IL5RA: variants seen among roughly 807,000 people sequenced by gnomAD.
IL5RA encodes the protein interleukin-5 receptor subunit alpha.
IL5RA carries 49 observed loss-of-function variants against 50.0 expected under a neutral mutation model. The ratio of observed to expected loss-of-function variants is 0.98; its 90% CI spans 0.78 to 1.24. The LOEUF (loss-of-function observed/expected upper bound fraction) is 1.24, where lower values mean the gene tolerates loss of function less well. Ranked by LOEUF, IL5RA falls within the 50% of genes most tolerant of loss-of-function variation. The probability of loss-of-function intolerance (pLI) is 0.00; values close to 1 mark genes in which losing one functional copy is unlikely to be tolerated. For missense variants in IL5RA, 600 were observed against 500.4 expected (o/e 1.20, Z -1.90); for synonymous variants, 202 against 174.0 (o/e 1.16, Z -1.26).
intron 9 of IL5RA, among the ~76,000 whole-genome samples, chr3:3,083,267 G>C (rs994200735): frequency 1.3e-5 from 2 of 152,182 alleles, no homozygotes; most frequent in African/African-American, 4.8e-5. Flanking sequence ...ACCTGGTTTA[G>C]AGAAATAAAA....
rs1181403178 is a variant in IL5RA, at chr3:3,067,767, A to T, written c.*2458T>A. 1 of 152,310 alleles carries T rather than the reference A, an allele frequency of 6.6e-6. No individual in the cohort carries two copies. Among genetic ancestry groups the T allele is most frequent in the East Asian group, 1.9e-4 (1 of 5,184 alleles). 9.4% of individuals were successfully genotyped at this position (152,310 alleles called of 1,614,324 possible). A position where few individuals can be genotyped will look rare whatever the true frequency, so the allele number is the denominator to read the frequency against. On this transcript the variant is annotated 3_prime_UTR_variant, in exon 12 of 12. Transcript: ENST00000446632. ...ATACCAAGGGCCAGATAACGGTACC[A>T]GCTCAGGGAAGTGTGGCAAGGAGCT... is the stretch of plus-strand genomic sequence containing the variant.
At position 3,095,320 on chromosome 3, in the gene IL5RA, A is replaced by G. The variant is rs754347359; in HGVS notation, c.834T>C (p.Asn278=). 6.2e-7 allele frequency: 1 copy of G among 1,600,902 alleles called. No homozygotes were observed. Among genetic ancestry groups the G allele is most frequent in the South Asian group, 1.1e-5 (1 of 90,176 alleles). ...TTACCTGCAAATATCCATTCCTTGTATTGTGTATTTTTACTTCATAATCAA... is the reference window on the plus strand; with the variant it reads ...TTACCTGCAAATATCCATTCCTTGTGTTGTGTATTTTTACTTCATAATCAA... ...HCFDYEVKIH[N]TRNGYLQIEK... is the part of the protein sequence containing the mutation. The change falls in exon 8 of 12, where the codon AAT becomes AAC. Residue 278 remains asparagine, a synonymous_variant. Coordinates refer to ENST00000446632, the MANE Select transcript of IL5RA (RefSeq NM_175726.4).
chr3:3,103,246 A>G (rs1703740704), intron 3 of IL5RA, among the ~76,000 whole-genome samples: 2 of 152,166 alleles, frequency 1.3e-5, no homozygotes, highest in South Asian at 4.1e-4. Flanking sequence ...CCAGGTGTTT[A>G]CCTATAATAC....
chr3:3,078,807 C>G (rs1702569603), intron 9 of IL5RA, among the ~76,000 whole-genome samples: 1 of 148,772 alleles, frequency 6.7e-6, no homozygotes, highest in South Asian at 2.1e-4. Context: ...GCACTCCAGC[C>G]TGGGTGACAA....
intron 1 of IL5RA, among the ~76,000 whole-genome samples, chr3:3,109,136 CTT>C (rs1704066736): frequency 6.6e-6 from 1 of 151,988 alleles, no homozygotes; most frequent in African/African-American, 2.4e-5. Context: ...TCTGTCTCTC[CTT>C]TTTCCCCCTT....
At chr3:3,086,020 T>C (rs1480408447) in intron 9 of IL5RA, among the ~76,000 whole-genome samples, 1 of 152,070 alleles carries the variant, frequency 6.6e-6, no homozygotes, top group East Asian at 1.9e-4. Context: ...GTGCCATACA[T>C]CTCAAGACTA....
At chr3:3,108,201 G>A (rs1704020876) in intron 2 of IL5RA, among the ~76,000 whole-genome samples, 1 of 152,084 alleles carries the variant, frequency 6.6e-6, no homozygotes, top group South Asian at 2.1e-4. Context: ...GGTATAAACT[G>A]CAAAAGACAT....
In IL5RA at chr3:3,093,277, C is replaced by T. The variant is rs73122524; in HGVS notation, c.856-915G>A. On this transcript the variant is annotated intron_variant, in intron 8 of 11. Transcript: ENST00000446632. ...TTGCCACTTGACTGAAAGAACCATA[C>T]TCTCTCAAGCATAAAGTTACTCCTT... Among the ~76,000 whole-genome samples, 466 of 152,264 alleles carry T rather than the reference C, an allele frequency of 3.1e-3. 1 individual carries two copies. The highest frequency in any genetic ancestry group is 0.011 in the African/African-American group (438 of 41,554).
chr3:3,107,899 G>A (rs1390102959), intron 2 of IL5RA, among the ~76,000 whole-genome samples: 1 of 152,182 alleles, frequency 6.6e-6, no homozygotes, highest in African/African-American at 2.4e-5. Flanking sequence ...AAATTCTACT[G>A]AAGTTCAGAC....
chr3:3,091,604 T>C (rs955834774), intron 9 of IL5RA, among the ~76,000 whole-genome samples: 2 of 152,094 alleles, frequency 1.3e-5, no homozygotes, highest in Admixed American at 6.5e-5. Flanking sequence ...TGGTGGCATG[T>C]GCCTGCAGTC....
In IL5RA at chr3:3,093,188, T is replaced by A. The variant is rs112259050; in HGVS notation, c.856-826A>T. ...AGCCACTCTGGGAGAAATCACAATG[T>A]CAGATACAGAGTCATGATTTCAGCA... On this transcript the variant is annotated intron_variant, in intron 8 of 11. Coordinates refer to ENST00000446632, the MANE Select transcript of IL5RA (RefSeq NM_175726.4). Among the ~76,000 whole-genome samples, 12 of 152,270 alleles carry A rather than the reference T, an allele frequency of 7.9e-5. 1 individual carries two copies. The highest frequency in any genetic ancestry group is 4.1e-4 in the South Asian group (2 of 4,830).
intron 11 of IL5RA, among the ~76,000 whole-genome samples, chr3:3,074,243 T>A (rs775770374): frequency 1.4e-4 from 21 of 152,320 alleles, no homozygotes; most frequent in Middle Eastern, 3.4e-3. Context: ...ACTAAGATAT[T>A]CATGTGGAAA....
In IL5RA at chr3:3,070,143, T is replaced by C; in HGVS notation, c.*82A>G. The C allele has an allele frequency of 1.1e-6, 1 of 891,560 alleles. No individual in the cohort carries two copies. Among genetic ancestry groups the C allele is most frequent in the South Asian group, 1.5e-5 (1 of 68,670 alleles). The allele number at this position is 891,560 out of a possible 1,614,324, so 55.2% of individuals were successfully genotyped here. A position where few individuals can be genotyped will look rare whatever the true frequency, so the allele number is the denominator to read the frequency against. ...GTGTTGCCTAAATTCTGAACACCTC[T>C]TAGCCAAGAGCCAGCATCCCTGTTC... On this transcript the variant is annotated 3_prime_UTR_variant, in exon 12 of 12. Transcript: ENST00000446632.
rs370245974 is a variant in IL5RA, at chr3:3,101,747, G to C, written c.312C>G (p.Asn104Lys). 1 of 1,614,020 alleles carries C rather than the reference G, an allele frequency of 6.2e-7. No individual in the cohort carries two copies. Among genetic ancestry groups the C allele is most frequent in the African/African-American group, 1.3e-5 (1 of 74,932 alleles). Residue 104 changes from asparagine to lysine, a missense_variant, in exon 5 of 12, where the codon AAC becomes AAG. Transcript: ENST00000446632. ...AGCTGCTGGCCAGTAGTGAGTGGTCGTTCTGCAGGATGGTCCGCACACTTG... is the reference window on the plus strand; with the variant it reads ...AGCTGCTGGCCAGTAGTGAGTGGTCCTTCTGCAGGATGGTCCGCACACTTG... Reference protein sequence around the residue: ...FSASVRTILQNDHSLLASSWA... With the variant: ...FSASVRTILQKDHSLLASSWA...
chr3:3,078,036 T>C (rs1702545144), intron 9 of IL5RA, among the ~76,000 whole-genome samples: 1 of 152,138 alleles, frequency 6.6e-6, no homozygotes, highest in Non-Finnish European at 1.5e-5. Flanking sequence ...CACATATGGG[T>C]GCTCCTGTCA....
intron 11 of IL5RA, among the ~76,000 whole-genome samples, chr3:3,071,478 C>T (rs1702293826): frequency 6.6e-6 from 1 of 151,904 alleles, no homozygotes; most frequent in African/African-American, 2.4e-5. Context: ...AGTAAATTAT[C>T]AGAAAATTCA....
Position 3,110,153 on chromosome 3 carries a change from A to G in IL5RA, c.-354T>C, listed in dbSNP as rs1354425931. The G allele has an allele frequency of 6.6e-6, 1 of 152,224 alleles. No individual in the cohort carries two copies. The highest frequency in any genetic ancestry group is 1.5e-5 in the Non-Finnish European group (1 of 68,050). The allele number at this position is 152,224 out of a possible 1,614,324, so 9.4% of individuals were successfully genotyped here. Reference sequence around the variant, plus strand: ...TATGGAGGAGGATTTGTACAGAGCAACTGTGCAGGAGCTGAACTGGAACTC... The same window carrying G: ...TATGGAGGAGGATTTGTACAGAGCAGCTGTGCAGGAGCTGAACTGGAACTC... On this transcript the variant is annotated 5_prime_UTR_variant, in exon 1 of 12. Transcript: ENST00000446632.
intron 9 of IL5RA, among the ~76,000 whole-genome samples, chr3:3,082,009 C>A (rs1702681977): frequency 6.6e-6 from 1 of 152,156 alleles, no homozygotes; most frequent in Admixed American, 6.5e-5. Context: ...CAAAAGATTT[C>A]ACATACCTAT....
chr3:3,067,171 A>G lies in IL5RA; in HGVS notation c.*3054T>C, dbSNP rs1004034442. 3.3e-5 allele frequency: 5 copies of G among 152,242 alleles called. No individual in the cohort carries two copies. The highest frequency in any genetic ancestry group is 2.1e-4 in the South Asian group (1 of 4,832). The allele number at this position is 152,242 out of a possible 1,614,324, so 9.4% of individuals were successfully genotyped here. On this transcript the variant is annotated 3_prime_UTR_variant, in exon 12 of 12. Transcript: ENST00000446632. Reference sequence around the variant, plus strand: ...CTTCTGAAATGCCTCTTACACAGCAATTTATACATAACCATTTAGACACTT... The same window carrying G: ...CTTCTGAAATGCCTCTTACACAGCAGTTTATACATAACCATTTAGACACTT...
Sources: gnomAD v4.1 joint callset for allele counts (sites outside exome capture counted in the v4.1 genomes callset) on GRCh38, gnomAD v4.1.1 for gene constraint, MANE v1.5 for transcripts, NCBI Gene and HGNC (gene_info 2026-07-23, HGNC 2026-07-21) for gene names.